SHLD1: variants seen among roughly 807,000 people sequenced by gnomAD.
SHLD1 encodes the protein shieldin complex subunit 1.
In SHLD1, 3 loss-of-function variants were observed where a neutral mutation model predicts 5.5. The ratio of observed to expected loss-of-function variants is 0.54; its 90% CI spans 0.25 to 1.40. The LOEUF is 1.40. Ranked by LOEUF, SHLD1 falls within the 40% of genes most tolerant of loss-of-function variation. SHLD1 has a pLI of 0.15. For synonymous variants in SHLD1, 92 were observed against 94.3 expected, an observed-to-expected ratio of 0.98 and a Z score of 0.14; for missense variants, 210 against 244.4, an observed-to-expected ratio of 0.86 and a Z score of 0.94.
intron 2 of SHLD1, among the ~76,000 whole-genome samples, chr20:5,775,904 A>G (rs1483351107): frequency 2.8e-5 from 4 of 140,748 alleles, no homozygotes; most frequent in Admixed American, 7.3e-5. Context: ...ACACTGCAGT[A>G]CTGCCTGGTC....
intron 2 of SHLD1, among the ~76,000 whole-genome samples, chr20:5,817,326 C>T (rs948105389): frequency 2.0e-5 from 3 of 151,612 alleles, no homozygotes; most frequent in Non-Finnish European, 4.4e-5. Flanking sequence ...TTTGTTATGG[C>T]AGGCAGTTAA....
At chr20:5,832,844 TAAA>T (rs1466733976) in intron 2 of SHLD1, among the ~76,000 whole-genome samples, 3 of 134,378 alleles carry the variant, frequency 2.2e-5, no homozygotes, top group Non-Finnish European at 5.0e-5. Context: ...AATAAATAAA[TAAA>T]TGGGGAAAAA....
At chr20:5,750,611 C>G (rs886762488) in intron 1 of SHLD1, 132 bp downstream of exon 1, 2 of 152,006 alleles carry the variant, frequency 1.3e-5, no homozygotes, top group Non-Finnish European at 2.9e-5. Flanking sequence ...CTGCTAGCTC[C>G]CCGCCCCTTC....
At chr20:5,761,161 A>T (rs1246580332) in intron 1 of SHLD1, among the ~76,000 whole-genome samples, 3 of 152,126 alleles carry the variant, frequency 2.0e-5, no homozygotes, top group South Asian at 2.1e-4. Context: ...CAGGAGCAGA[A>T]AACCAAACAC....
intron 2 of SHLD1, among the ~76,000 whole-genome samples, chr20:5,859,876 T>A (rs2088137391): frequency 6.6e-6 from 1 of 152,224 alleles, no homozygotes; most frequent in South Asian, 2.1e-4. Flanking sequence ...TAGCCTCTTT[T>A]GTGGACACTG....
chr20:5,803,007 C>T (rs559256383), intron 2 of SHLD1, among the ~76,000 whole-genome samples: 17 of 152,302 alleles, frequency 1.1e-4, no homozygotes, highest in African/African-American at 3.1e-4. Context: ...TTACCAGTCC[C>T]GGCCTTCCCT....
chr20:5,833,596 G>A (rs1245091410), intron 2 of SHLD1, among the ~76,000 whole-genome samples: 1 of 151,900 alleles, frequency 6.6e-6, no homozygotes, highest in Non-Finnish European at 1.5e-5. Context: ...ATCTAACTGA[G>A]TGTCCTGCTG....
intron 1 of SHLD1, among the ~76,000 whole-genome samples, chr20:5,765,628 A>T (rs1449330659): frequency 6.6e-6 from 1 of 152,140 alleles, no homozygotes; most frequent in African/African-American, 2.4e-5. Context: ...AAGGTTTGGG[A>T]CAAAGGATAA....
At chr20:5,824,267 T>C (rs2087640840) in intron 2 of SHLD1, among the ~76,000 whole-genome samples, 1 of 152,248 alleles carries the variant, frequency 6.6e-6, no homozygotes, top group Admixed American at 6.5e-5. Context: ...ACCTGTTCCC[T>C]CACTTTCTTC....
At position 5,863,112 on chromosome 20, in the gene SHLD1, G is replaced by A. The variant is rs1468538531; in HGVS notation, c.267G>A (p.Lys89=). ...LDPAVKGQSE[K]EEDDGLRKSL... The stretch of plus-strand genomic sequence containing the variant: ...CTGCTGTGAAAGGCCAGTCAGAGAA[G>A]GAAGAGGATGATGGCCTTCGGAAAT... The change falls in exon 3 of 3, where the codon AAG becomes AAA. Residue 89 remains lysine (K), a synonymous_variant. Transcript: ENST00000303142. 5.0e-6 allele frequency: 8 copies of A among 1,614,204 alleles called. No individual in the cohort carries two copies. Among genetic ancestry groups the A allele is most frequent in the Admixed American group, 3.3e-5 (2 of 60,030 alleles).
At chr20:5,761,061 A>C (rs1363389211) in intron 1 of SHLD1, among the ~76,000 whole-genome samples, 1 of 152,106 alleles carries the variant, frequency 6.6e-6, no homozygotes, top group African/African-American at 2.4e-5. Context: ...GATAAGGATG[A>C]AAGAAGCTGC....
At chr20:5,804,911 C>G (rs1027195066) in intron 2 of SHLD1, among the ~76,000 whole-genome samples, 10 of 152,132 alleles carry the variant, frequency 6.6e-5, no homozygotes, top group African/African-American at 2.2e-4. Flanking sequence ...AGCCTTTGCC[C>G]TGAACAGGAA....
intron 2 of SHLD1, among the ~76,000 whole-genome samples, chr20:5,845,378 G>T (rs2087920885): frequency 6.6e-6 from 1 of 152,150 alleles, no homozygotes; most frequent in Non-Finnish European, 1.5e-5. Context: ...ACTTGCCCAG[G>T]ATCTCATAGC....
chr20:5,800,223 CAA>C (rs2087272311), intron 2 of SHLD1, among the ~76,000 whole-genome samples: 1 of 152,212 alleles, frequency 6.6e-6, no homozygotes, highest in African/African-American at 2.4e-5. Context: ...TGAGCTACAG[CAA>C]AGATTCTTCC....
chr20:5,761,045 G>A (rs537372610), intron 1 of SHLD1, among the ~76,000 whole-genome samples: 10 of 152,150 alleles, frequency 6.6e-5, no homozygotes, highest in East Asian at 1.9e-4. Context: ...ATCATAGAAC[G>A]TACTGGATAA....
At chr20:5,757,445 A>G (rs1984182803) in intron 1 of SHLD1, among the ~76,000 whole-genome samples, 1 of 152,008 alleles carries the variant, frequency 6.6e-6, no homozygotes, top group Admixed American at 6.6e-5. Context: ...AATGCCCTTT[A>G]TCAGGTTGAG....
At chr20:5,777,682 G>T (rs948049366) in intron 2 of SHLD1, among the ~76,000 whole-genome samples, 14 of 148,950 alleles carry the variant, frequency 9.4e-5, no homozygotes, top group Non-Finnish European at 1.6e-4. Context: ...CGATCCTCCC[G>T]CCTCAACCTC....
At chr20:5,770,004 C>CA (rs113692130) in intron 1 of SHLD1, among the ~76,000 whole-genome samples, 16,889 of 54,026 alleles carry the variant, frequency 0.31, 1,737 homozygotes, top group Non-Finnish European at 0.37. Flanking sequence ...AACTCCTTCT[C>CA]AAAAAAAAAA....
chr20:5,861,123 C>T (rs1168707773), intron 2 of SHLD1, among the ~76,000 whole-genome samples: 1 of 152,174 alleles, frequency 6.6e-6, no homozygotes. Context: ...GCCAAGGAGA[C>T]ATTTAGTTTC....
Sources: allele counts gnomAD v4.1 joint callset (sites outside exome capture counted in the v4.1 genomes callset), GRCh38; gene constraint gnomAD v4.1.1; transcripts MANE v1.5; gene names NCBI Gene and HGNC (gene_info 2026-07-23, HGNC 2026-07-21).